The following PGAP2 variants were observed in gnomAD, a reference collection of about 807,000 sequenced individuals.
The protein encoded by PGAP2 is post-GPI attachment to proteins 2.
PGAP2 carries 21 observed loss-of-function variants against 33.2 expected under a neutral mutation model. That is an observed-to-expected ratio of 0.63 (90% CI 0.45 to 0.91). PGAP2 has a LOEUF of 0.91. PGAP2 is among the 40% of genes least tolerant of loss of function. PGAP2 has a pLI of 0.00. For missense variants in PGAP2, 345 were observed against 424.0 expected, an observed-to-expected ratio of 0.81 and a Z score of 1.64; for synonymous variants, 161 against 172.9, an observed-to-expected ratio of 0.93 and a Z score of 0.54.
Position 3,817,514 on chromosome 11 carries a change from C to T in PGAP2, c.327C>T (p.Tyr109=), listed in dbSNP as rs2087341366. The T allele has an allele frequency of 1.2e-6, 2 of 1,614,028 alleles. No individual in the cohort carries two copies. The highest frequency in any genetic ancestry group is 1.3e-5 in the African/African-American group (1 of 74,938). The change falls in exon 3 of 7, where the codon TAC becomes TAT. Residue 109 remains tyrosine, a synonymous_variant. Transcript: ENST00000278243. ...IIWSLVFHFE[Y]TVATDCGVPN... is the part of the protein sequence containing the mutation. ...GGTCCCTGGTGTTCCACTTTGAGTA[C>T]ACGGTGGCCACTGACTGTGGGGTGA...
At chr11:3,806,993 C>T (rs547592541), upstream of PGAP2, among the ~76,000 whole-genome samples, 14 of 144,174 alleles carry the variant, frequency 9.7e-5, no homozygotes, top group African/African-American at 3.1e-4. Context: ...TGCACTCTAG[C>T]CTGGGTGACA....
chr11:3,804,846 C>T (rs2084049768), upstream of PGAP2, among the ~76,000 whole-genome samples: 1 of 151,956 alleles, frequency 6.6e-6, no homozygotes, highest in Non-Finnish European at 1.5e-5. Context: ...GGATTACAGG[C>T]GCCCGCCACC....
At chr11:3,808,434 G>A, upstream of PGAP2, 2 of 1,533,754 alleles carry the variant, frequency 1.3e-6, no homozygotes, top group East Asian at 2.5e-5. Flanking sequence ...CATGGTTTGA[G>A]GACACGCCAG....
intron 1 of PGAP2, chr11:3,798,059 C>T (rs191394026): frequency 3.3e-6 from 5 of 1,512,282 alleles, no homozygotes; most frequent in African/African-American, 1.4e-5. Flanking sequence ...GCCCGCACTT[C>T]CCGCCCAGAC....
At chr11:3,815,499 G>A (rs763516337) in intron 2 of PGAP2, among the ~76,000 whole-genome samples, 8 of 151,996 alleles carry the variant, frequency 5.3e-5, no homozygotes, top group Non-Finnish European at 1.2e-4. Flanking sequence ...TAGTAGTGAC[G>A]GGGTTTCACT....
intron 3 of PGAP2, chr11:3,823,655 G>A (rs964971008): frequency 8.4e-6 from 13 of 1,545,726 alleles, no homozygotes; most frequent in Non-Finnish European, 1.0e-5. Context: ...GTGCCACCAT[G>A]CTGCTGCACA....
chr11:3,820,134 G>C (rs867827632), intron 3 of PGAP2, among the ~76,000 whole-genome samples: 12 of 152,286 alleles, frequency 7.9e-5, no homozygotes, highest in African/African-American at 2.9e-4. Flanking sequence ...GTAGTTTTCA[G>C]ATTGAATATT....
At chr11:3,799,273 C>A (rs2083107256) in intron 1 of PGAP2, among the ~76,000 whole-genome samples, 1 of 152,204 alleles carries the variant, frequency 6.6e-6, no homozygotes, top group African/African-American at 2.4e-5. Flanking sequence ...GCTGGTGGCT[C>A]ATGCCTGTAA....
upstream of PGAP2, chr11:3,808,028 G>A: frequency 7.2e-7 from 1 of 1,379,658 alleles, no homozygotes; most frequent in Non-Finnish European, 9.4e-7. Flanking sequence ...AACAAAGGCG[G>A]GAACAGCTCT....
rs1389463156 is a variant in PGAP2, at chr11:3,802,979, A to G, written c.139+4997A>G. The stretch of plus-strand genomic sequence containing the variant: ...GTAGCTGGGACTACAGGCGCCTGCC[A>G]CCACACCCGGCTAATTTTTTTTTTT... On this transcript the variant is annotated intron_variant, in intron 1 of 6. Coordinates refer to the PGAP2 transcript ENST00000300730. Among the ~76,000 whole-genome samples the G allele has an allele frequency of 1.4e-5, 2 of 142,614 alleles. 1 individual carries two copies. The highest frequency in any genetic ancestry group is 5.2e-5 in the African/African-American group (2 of 38,626). The allele number at this position is 142,614 out of a possible 152,430, so 93.6% of individuals were successfully genotyped here.
intron 1 of PGAP2, among the ~76,000 whole-genome samples, chr11:3,799,019 C>T (rs971258605): frequency 2.0e-5 from 3 of 152,372 alleles, no homozygotes; most frequent in African/African-American, 7.2e-5. Context: ...CAAGCTTTCA[C>T]AGCGAGTTGA....
Position 3,811,524 on chromosome 11 carries a change from C to A in PGAP2, c.165+100C>A, listed in dbSNP as rs2085566021. 2.6e-6 allele frequency: 3 copies of A among 1,157,492 alleles called. No homozygotes were observed. Among genetic ancestry groups the A allele is most frequent in the Non-Finnish European group, 3.6e-6 (3 of 829,940 alleles). 71.7% of individuals were successfully genotyped at this position (1,157,492 alleles called of 1,614,324 possible). A position where few individuals can be genotyped will look rare whatever the true frequency, so the allele number is the denominator to read the frequency against. ...AAGATTAGCCAGCTCTCCACTGGGG[C>A]CCATCAAACATACGGGGCTGCTGGG... On this transcript the variant is annotated intron_variant, in intron 2 of 6. Transcript: ENST00000278243. The surrounding 1 kb of genome is among the most constrained non-coding windows in gnomAD (Gnocchi z 4.6).
chr11:3,800,686 C>G (rs1021496192), intron 1 of PGAP2, among the ~76,000 whole-genome samples: 2 of 151,808 alleles, frequency 1.3e-5, no homozygotes, highest in African/African-American at 4.8e-5. Context: ...GTGGCACATA[C>G]CTGTAGTCCC....
chr11:3,804,050 C>CA (rs1249423863), upstream of PGAP2, among the ~76,000 whole-genome samples: 4 of 152,104 alleles, frequency 2.6e-5, no homozygotes, highest in Admixed American at 2.0e-4. Flanking sequence ...CTCAGCCTAC[C>CA]AAAGTGCTGG....
rs551915037 is a variant in PGAP2, at chr11:3,824,497, G to C, written c.708+121G>C. The C allele has an allele frequency of 3.9e-5, 57 of 1,477,180 alleles. 2 individuals are homozygous for C. In the South Asian group the frequency reaches 6.1e-4, roughly 16 times the overall value. The allele number at this position is 1,477,180 out of a possible 1,614,324, so 91.5% of individuals were successfully genotyped here. ...GTTCTAATGGGAACCCTGGCAGAGG[G>C]GTGCTGGGGTTGGGGCTGGGGCTTG... On this transcript the variant is annotated intron_variant, in intron 5 of 6. Coordinates refer to ENST00000278243, the MANE Select transcript of PGAP2 (RefSeq NM_014489.4).
At chr11:3,807,346 C>T (rs576546770), upstream of PGAP2, among the ~76,000 whole-genome samples, 3 of 137,902 alleles carry the variant, frequency 2.2e-5, no homozygotes, top group East Asian at 6.8e-4. Context: ...TCGCTCTTGT[C>T]GCCCATGCTT....
At chr11:3,817,324 C>A in intron 2 of PGAP2, 29 bp from the exon 3 acceptor site, 1 of 1,582,402 alleles carries the variant, frequency 6.3e-7, no homozygotes, top group African/African-American at 1.3e-5. Context: ...TCCTACCAGG[C>A]CCCAAGTTGT....
chr11:3,824,680 G>A (rs2089677029), intron 5 of PGAP2: 10 of 781,606 alleles, frequency 1.3e-5, no homozygotes, highest in Non-Finnish European at 1.8e-5. Context: ...TCAGAGGACT[G>A]GTCTGTCATA....
chr11:3,807,491 A>G (rs1041237431), upstream of PGAP2, among the ~76,000 whole-genome samples: 1 of 151,174 alleles, frequency 6.6e-6, no homozygotes, highest in African/African-American at 2.4e-5. Flanking sequence ...TATTTTTAGT[A>G]GAGACGGGGT....
Sources: gnomAD v4.1 joint callset for allele counts (sites outside exome capture counted in the v4.1 genomes callset) on GRCh38, gnomAD v4.1.1 for gene constraint, Gnocchi (gnomAD v3.1) non-coding constraint, MANE v1.5 for transcripts, NCBI Gene and HGNC (gene_info 2026-07-23, HGNC 2026-07-21) for gene names.